Variants in OLFM3 observed in about 807,000 individuals in gnomAD.
The protein encoded by OLFM3 is olfactomedin 3.
Under a neutral mutation model 48.6 loss-of-function variants are expected in OLFM3, and 20 were observed. The observed-to-expected ratio is 0.41, with a 90% confidence interval of 0.29 to 0.60. The LOEUF is 0.60. Among genes scored for constraint, OLFM3 ranks in the 20% least tolerant of loss-of-function variants. OLFM3 has a pLI of 0.28. For synonymous variants in OLFM3, 222 were observed against 198.1 expected, an observed-to-expected ratio of 1.12 and a Z score of -1.01; for missense variants, 437 against 544.3, an observed-to-expected ratio of 0.80 and a Z score of 1.96.
intron 4 of OLFM3, among the ~76,000 whole-genome samples, chr1:101,823,191 C>T (rs768031083): frequency 2.0e-5 from 3 of 151,716 alleles, no homozygotes; most frequent in Non-Finnish European, 2.9e-5. Flanking sequence ...TTCTTGTCCT[C>T]GGAAAAAAAG....
intron 1 of OLFM3, among the ~76,000 whole-genome samples, chr1:101,945,358 A>T (rs144646878): frequency 0.011 from 1,607 of 152,302 alleles, 34 homozygotes; most frequent in African/African-American, 0.037. Flanking sequence ...ATACACAACA[A>T]TATGAGTGAA....
intron 1 of OLFM3, among the ~76,000 whole-genome samples, chr1:101,879,667 G>T (rs569755942): frequency 2.2e-4 from 33 of 151,884 alleles, no homozygotes; most frequent in Admixed American, 1.6e-3. Context: ...TGGATTGATT[G>T]AATGCCATTT....
intron 1 of OLFM3, among the ~76,000 whole-genome samples, chr1:101,867,674 A>G (rs1036419822): frequency 3.3e-5 from 5 of 152,174 alleles, no homozygotes; most frequent in Non-Finnish European, 7.3e-5. Context: ...CTACTACCCA[A>G]CAACTGTTTG....
chr1:101,803,064 C>G lies in OLFM3; in HGVS notation c.*1174G>C, dbSNP rs1482137680. On this transcript the variant is annotated 3_prime_UTR_variant, in exon 6 of 6. Coordinates refer to ENST00000370103, the MANE Select transcript of OLFM3 (RefSeq NM_058170.4). Reference sequence around the variant, plus strand: ...TTGGTTATTTACACTTTTGAAACCACAAAGACAACTCCCAAGTCTCCCCAT... The same window carrying G: ...TTGGTTATTTACACTTTTGAAACCAGAAAGACAACTCCCAAGTCTCCCCAT... The G allele has an allele frequency of 6.6e-6, 1 of 151,924 alleles. No homozygotes were observed. The highest frequency in any genetic ancestry group is 6.6e-5 in the Admixed American group (1 of 15,184). 9.4% of individuals were successfully genotyped at this position (151,924 alleles called of 1,614,324 possible).
intron 4 of OLFM3, among the ~76,000 whole-genome samples, chr1:101,819,765 A>C (rs1654521186): frequency 6.6e-6 from 1 of 152,074 alleles, no homozygotes; most frequent in Admixed American, 6.6e-5. Context: ...AAGAAATCTC[A>C]GTCTTTGAAC....
chr1:101,968,920 A>G (rs1660699823), intron 1 of OLFM3, among the ~76,000 whole-genome samples: 2 of 152,184 alleles, frequency 1.3e-5, no homozygotes, highest in Admixed American at 1.3e-4. Flanking sequence ...AAGTGCAGAG[A>G]TTAAAAATGG....
At position 101,926,821 on chromosome 1, in the gene OLFM3, T is replaced by C. The variant is rs187333754; in HGVS notation, c.69+69927A>G. Among the ~76,000 whole-genome samples the C allele has an allele frequency of 2.0e-5, 3 of 152,280 alleles. 1 individual carries two copies. Among genetic ancestry groups the C allele is most frequent in the Admixed American group, 2.0e-4 (3 of 15,286 alleles). On this transcript the variant is annotated intron_variant, in intron 1 of 5. Transcript: ENST00000370103. ...ATTGTCTCTCAAATATGGCAGAACA[T>C]TTAAAAGGTGAAACTGAACAAAGTT...
chr1:101,939,055 GT>G (rs1659707646), intron 1 of OLFM3, among the ~76,000 whole-genome samples: 1 of 151,558 alleles, frequency 6.6e-6, no homozygotes, highest in Non-Finnish European at 1.5e-5. Flanking sequence ...GTCTCACTTG[GT>G]AAAATCCCTG....
At chr1:101,819,832 T>C (rs1654524144) in intron 4 of OLFM3, among the ~76,000 whole-genome samples, 1 of 152,076 alleles carries the variant, frequency 6.6e-6, no homozygotes. Context: ...GGCAAGTTAA[T>C]TTAAACTTTC....
chr1:101,964,609 G>GA (rs534490667), intron 1 of OLFM3, among the ~76,000 whole-genome samples: 8 of 151,480 alleles, frequency 5.3e-5, no homozygotes, highest in African/African-American at 9.7e-5. Flanking sequence ...TATTTTTAGG[G>GA]AAAAAAAAGA....
At chr1:101,960,807 G>A (rs17434817) in intron 1 of OLFM3, among the ~76,000 whole-genome samples, 25,161 of 152,016 alleles carry the variant, frequency 0.17, 2,390 homozygotes, top group Non-Finnish European at 0.19. Flanking sequence ...TAGTCCAACT[G>A]AGAAAAACCT....
At chr1:101,968,075 T>C (rs1282295772) in intron 1 of OLFM3, among the ~76,000 whole-genome samples, 1 of 152,178 alleles carries the variant, frequency 6.6e-6, no homozygotes, top group Non-Finnish European at 1.5e-5. Flanking sequence ...GATGCATTGG[T>C]TTTAACAAGG....
chr1:101,986,894 A>G (rs1661257560), intron 1 of OLFM3, among the ~76,000 whole-genome samples: 1 of 152,176 alleles, frequency 6.6e-6, no homozygotes. Flanking sequence ...GGAAGCAATA[A>G]AGTTAACTGA....
intron 1 of OLFM3, among the ~76,000 whole-genome samples, chr1:101,932,749 C>T (rs910129360): frequency 4.6e-5 from 7 of 152,164 alleles, no homozygotes; most frequent in African/African-American, 1.7e-4. Context: ...AAAAATCCAG[C>T]GTGTCTTGTT....
intron 1 of OLFM3, among the ~76,000 whole-genome samples, chr1:101,924,516 T>C (rs1316528348): frequency 6.6e-6 from 1 of 152,164 alleles, no homozygotes; most frequent in Non-Finnish European, 1.5e-5. Flanking sequence ...ACCCATTGTA[T>C]TAGATCCCAC....
At chr1:101,934,828 G>A (rs1348237298) in intron 1 of OLFM3, among the ~76,000 whole-genome samples, 1 of 151,956 alleles carries the variant, frequency 6.6e-6, no homozygotes, top group Non-Finnish European at 1.5e-5. Flanking sequence ...TCAAACTCAT[G>A]CAATTACAGG....
intron 1 of OLFM3, among the ~76,000 whole-genome samples, chr1:101,924,019 A>T (rs977950709): frequency 6.6e-6 from 1 of 152,304 alleles, no homozygotes; most frequent in East Asian, 1.9e-4. Flanking sequence ...AGTGCAGTAA[A>T]CCATTGTTGA....
At chr1:101,814,254 C>T (rs1557684443) in intron 4 of OLFM3, among the ~76,000 whole-genome samples, 1 of 149,582 alleles carries the variant, frequency 6.7e-6, no homozygotes, top group Non-Finnish European at 1.5e-5. Flanking sequence ...TTTATTCATT[C>T]ACCCAGCTAA....
intron 1 of OLFM3, among the ~76,000 whole-genome samples, chr1:101,891,326 T>C (rs1027337688): frequency 3.3e-5 from 5 of 151,982 alleles, no homozygotes; most frequent in Non-Finnish European, 5.9e-5. Flanking sequence ...AAATTTAAAA[T>C]GGTCAGTAGT....
Sources: gnomAD v4.1 joint callset for allele counts (sites outside exome capture counted in the v4.1 genomes callset) on GRCh38, gnomAD v4.1.1 for gene constraint, MANE v1.5 for transcripts, NCBI Gene and HGNC (gene_info 2026-07-23, HGNC 2026-07-21) for gene names.